Variants in ZFP1 observed in about 807,000 individuals in gnomAD.
ZFP1 encodes the protein ZFP1 zinc finger protein, also known as zinc finger protein 1 homolog.
A neutral mutation model predicts 38.5 loss-of-function variants in ZFP1; 32 were observed. That is an observed-to-expected ratio of 0.83 (90% CI 0.63 to 1.12). ZFP1 has a LOEUF of 1.12. Ranked by LOEUF, ZFP1 falls within the 50% of genes most tolerant of loss-of-function variation. The probability of loss-of-function intolerance (pLI) is 0.00; values close to 1 mark genes in which losing one functional copy is unlikely to be tolerated. For synonymous variants in ZFP1, 245 were observed against 168.8 expected, an observed-to-expected ratio of 1.45 and a Z score of -3.50; for missense variants, 616 against 480.8, an observed-to-expected ratio of 1.28 and a Z score of -2.63.
intron 2 of ZFP1, 24 bp from the exon 3 acceptor site, chr16:75,166,746 A>G: frequency 3.1e-6 from 5 of 1,614,126 alleles, no homozygotes; most frequent in Non-Finnish European, 3.4e-6. Context: ...TCATCTTAGG[A>G]TGAATAACAA....
chr16:75,162,990 A>C (rs1295888037), intron 2 of ZFP1, among the ~76,000 whole-genome samples: 1 of 150,614 alleles, frequency 6.6e-6, no homozygotes, highest in Non-Finnish European at 1.5e-5. Context: ...GCTCACTGCA[A>C]GCTCCGCCTC....
chr16:75,153,621 C>G (rs1597041729), intron 2 of ZFP1, among the ~76,000 whole-genome samples: 1 of 152,046 alleles, frequency 6.6e-6, no homozygotes, highest in African/African-American at 2.4e-5. Context: ...CCCCCTCATT[C>G]CCAACCCCTA....
At chr16:75,166,642 A>T in intron 2 of ZFP1, 128 bp from the exon 3 acceptor site, 1 of 1,526,622 alleles carries the variant, frequency 6.6e-7, no homozygotes, top group Non-Finnish European at 8.8e-7. Context: ...ACATGAACAA[A>T]AACAGTGAAC....
the ZFP1 span, among the ~76,000 whole-genome samples, chr16:75,131,435 T>C: frequency 9.2e-5 from 14 of 152,144 alleles, no homozygotes; most frequent in Non-Finnish European, 1.8e-4. Context: ...TTGAAGCTAA[T>C]TCCTAGCTCG....
chr16:75,150,375 AT>A (rs879642238), intron 1 of ZFP1, among the ~76,000 whole-genome samples: 527 of 43,572 alleles, frequency 0.012, 3 homozygotes, highest in African/African-American at 0.026. Flanking sequence ...CACCTGGCTA[AT>A]TTTTTTATTT....
In ZFP1 at chr16:75,170,468, A is replaced by G; in HGVS notation, c.*134A>G. The G allele has an allele frequency of 1.6e-6, 2 of 1,286,962 alleles. No homozygotes were observed. Among genetic ancestry groups the G allele is most frequent in the Non-Finnish European group, 2.0e-6 (2 of 981,266 alleles). 79.7% of individuals were successfully genotyped at this position (1,286,962 alleles called of 1,614,324 possible). ...CTCTCAACTCAAAAATGTATTAAAA[A>G]TAGGATCCCATGAGAACATTATACT... On this transcript the variant is annotated 3_prime_UTR_variant, in exon 4 of 4. Coordinates refer to ENST00000570010, the MANE Select transcript of ZFP1 (RefSeq NM_153688.4).
Position 75,163,337 on chromosome 16 carries a change from C to G in ZFP1, c.16-3433C>G, listed in dbSNP as rs933548815. 2.0e-5 allele frequency among the ~76,000 whole-genome samples: 3 copies of G among 151,968 alleles called. No individual in the cohort carries two copies. The East Asian group carries it at 5.8e-4, about 29-fold the overall frequency. ...TTTTGTTTTTTTGAGTACATTCTTG[C>G]TCTGTTGCCCAGGCTAGAGTGTAGT... On this transcript the variant is annotated intron_variant, in intron 2 of 3. Coordinates refer to ENST00000570010, the MANE Select transcript of ZFP1 (RefSeq NM_153688.4).
At chr16:75,163,083 T>C (rs1278494427) in intron 2 of ZFP1, among the ~76,000 whole-genome samples, 3 of 151,912 alleles carry the variant, frequency 2.0e-5, no homozygotes, top group African/African-American at 7.3e-5. Context: ...CTAATTTTTG[T>C]ATTTTTAGTA....
intron 2 of ZFP1, among the ~76,000 whole-genome samples, chr16:75,161,270 C>T (rs892061464): frequency 1.3e-5 from 2 of 151,802 alleles, no homozygotes; most frequent in African/African-American, 2.4e-5. Flanking sequence ...GGTTTCTCCA[C>T]GTTGTCCAGG....
intron 2 of ZFP1, among the ~76,000 whole-genome samples, chr16:75,157,985 G>A (rs1427588062): frequency 1.3e-5 from 2 of 151,464 alleles, no homozygotes; most frequent in East Asian, 2.0e-4. Flanking sequence ...ATGGGATCTC[G>A]CCAGGTTGCC....
In ZFP1 at chr16:75,169,278, GGAGA is replaced by G. The variant is rs1276474896; in HGVS notation, c.173_176del (p.Arg58ThrfsTer13). 1 of 1,613,086 alleles carries G rather than the reference GGAGA, an allele frequency of 6.2e-7. No individual in the cohort carries two copies. Among genetic ancestry groups the G allele is most frequent in the East Asian group, 2.2e-5 (1 of 44,864 alleles). On this transcript the variant is annotated frameshift_variant, in exon 4 of 4. Transcript: ENST00000570010. LOFTEE classifies it high-confidence loss of function. ...AAGTGTGGAAGGCTGATGACCAGAT[GGAGA>G]GAGACCACAGAAACCCAGACGAGCA...
At chr16:75,141,714 C>G in the ZFP1 span, among the ~76,000 whole-genome samples, 1 of 150,636 alleles carries the variant, frequency 6.6e-6, no homozygotes, top group South Asian at 2.1e-4. Context: ...TAGGGAGACC[C>G]TGTCTCTGCA....
chr16:75,169,640 T>A lies in ZFP1; in HGVS notation c.530T>A (p.Ile177Lys). 2 of 1,593,754 alleles carry A rather than the reference T, an allele frequency of 1.3e-6. No homozygotes were observed. The highest frequency in any genetic ancestry group is 2.7e-5 in the African/African-American group (2 of 73,394). Residue 177 changes from isoleucine to lysine, a missense_variant, in exon 4 of 4, where the codon ATA (isoleucine) becomes AAA (lysine). Transcript: ENST00000570010. Reference protein sequence around the residue: ...HKAAIFKHQKIKNLVQPFICT... With the variant: ...HKAAIFKHQKKKNLVQPFICT... The stretch of plus-strand genomic sequence containing the variant: ...GCAGCCATTTTTAAACATCAGAAAA[T>A]AAAAAACTTGGTTCAACCTTTCATT...
chr16:75,150,514 C>G (rs578070269), intron 1 of ZFP1, among the ~76,000 whole-genome samples: 46 of 152,116 alleles, frequency 3.0e-4, no homozygotes, highest in Non-Finnish European at 6.2e-4. Flanking sequence ...CCATCGCACC[C>G]GGCCCAGATC....
In ZFP1 at chr16:75,169,733, G is replaced by A. The variant is rs537310699; in HGVS notation, c.623G>A (p.Gly208Glu). 6.2e-7 allele frequency: 1 copy of A among 1,613,240 alleles called. No homozygotes were observed. Among genetic ancestry groups the A allele is most frequent in the South Asian group, 1.1e-5 (1 of 91,018 alleles). ...ATTAGTCATAAGAGAATACATACTG[G>A]AGAAAAGCCATATGAATGCAATGTA... is the stretch of plus-strand genomic sequence containing the variant. ...LLISHKRIHT[G>E]EKPYECNVCK... Residue 208 changes from glycine (G) to glutamate (E), a missense_variant, in exon 4 of 4, where the codon GGA (glycine) becomes GAA (glutamate). Coordinates refer to ENST00000570010, the MANE Select transcript of ZFP1 (RefSeq NM_153688.4).
At chr16:75,147,445 T>G (rs2036966311), upstream of ZFP1, among the ~76,000 whole-genome samples, 1 of 81,980 alleles carries the variant, frequency 1.2e-5, no homozygotes, top group African/African-American at 4.8e-5. Flanking sequence ...GCCCGGCTAA[T>G]TTTTGTATTT....
chr16:75,155,862 T>C, intron 2 of ZFP1, among the ~76,000 whole-genome samples: 1 of 152,218 alleles, frequency 6.6e-6, no homozygotes, highest in Non-Finnish European at 1.5e-5. Flanking sequence ...AATATAAAAT[T>C]TAGTTAACAA....
the ZFP1 span, among the ~76,000 whole-genome samples, chr16:75,140,776 G>C: frequency 2.0e-5 from 3 of 152,144 alleles, no homozygotes; most frequent in African/African-American, 7.2e-5. Flanking sequence ...TGGCTAACGC[G>C]GTGAAACCCC....
At position 75,169,435 on chromosome 16, in the gene ZFP1, T is replaced by C. The variant is rs777833096; in HGVS notation, c.325T>C (p.Tyr109His). The change falls in exon 4 of 4, where the codon TAT becomes CAT. Residue 109 changes from tyrosine (Y) to histidine (H), a missense_variant. By Grantham distance (83) the Tyr-to-His change is moderately conservative. Coordinates refer to ENST00000570010, the MANE Select transcript of ZFP1 (RefSeq NM_153688.4). ...LRQVPYKYDL[Y>H]EKTLKYNSDL... Reference sequence around the variant, plus strand: ...ACAAGTACCTTATAAATATGACTTATATGAAAAAACTTTGAAATATAATTC... The same window carrying C: ...ACAAGTACCTTATAAATATGACTTACATGAAAAAACTTTGAAATATAATTC... 53 of 1,612,592 alleles carry C rather than the reference T, an allele frequency of 3.3e-5. 2 individuals are homozygous for C. In the South Asian group the frequency reaches 3.7e-4, roughly 11 times the overall value.
Sources: gnomAD v4.1 joint callset for allele counts (sites outside exome capture counted in the v4.1 genomes callset) on GRCh38, gnomAD v4.1.1 for gene constraint, MANE v1.5 for transcripts, NCBI Gene and HGNC (gene_info 2026-07-23, HGNC 2026-07-21) for gene names.